The following KCNN3 variants were observed in gnomAD, a reference collection of about 807,000 sequenced individuals.
KCNN3 encodes the protein small conductance calcium-activated potassium channel protein 3.
A neutral mutation model predicts 62.9 loss-of-function variants in KCNN3; 16 were observed. That is an observed-to-expected ratio of 0.25 (90% CI 0.17 to 0.39). The LOEUF is 0.39. KCNN3 is among the 10% of genes least tolerant of loss of function. KCNN3 has a pLI of 1.00. For synonymous variants in KCNN3, 370 were observed against 389.2 expected (o/e 0.95, Z 0.58); for missense variants, 599 against 949.4 (o/e 0.63, Z 4.85).
At chr1:154,863,662 A>AT (rs2101936860) in intron 1 of KCNN3, among the ~76,000 whole-genome samples, 1 of 143,382 alleles carries the variant, frequency 7.0e-6, no homozygotes, top group South Asian at 2.1e-4. Flanking sequence ...TTTACCTTAT[A>AT]TTTTTTTAAA....
intron 3 of KCNN3, among the ~76,000 whole-genome samples, chr1:154,763,605 G>GA (rs1648122230): frequency 1.3e-5 from 2 of 152,152 alleles, no homozygotes; most frequent in Non-Finnish European, 2.9e-5. Context: ...TACGTACAGG[G>GA]TCATCATTGT....
chr1:154,768,346 T>C (rs1485172229), intron 3 of KCNN3, among the ~76,000 whole-genome samples: 1 of 152,248 alleles, frequency 6.6e-6, no homozygotes, highest in East Asian at 1.9e-4. Context: ...ATTCTAAAAA[T>C]AGTGCTTAGT....
intron 2 of KCNN3, among the ~76,000 whole-genome samples, chr1:154,804,166 C>T (rs1202967262): frequency 2.6e-5 from 4 of 152,158 alleles, no homozygotes; most frequent in Non-Finnish European, 4.4e-5. Flanking sequence ...AAAGCCACCC[C>T]GTTCCTCTCC....
intron 1 of KCNN3, among the ~76,000 whole-genome samples, chr1:154,858,255 C>T (rs1223349209): frequency 6.6e-6 from 1 of 152,192 alleles, no homozygotes; most frequent in African/African-American, 2.4e-5. Context: ...AGGGACCTTG[C>T]ATGATCCCAA....
intron 2 of KCNN3, among the ~76,000 whole-genome samples, chr1:154,783,518 G>A (rs114184321): frequency 0.032 from 4,938 of 152,208 alleles, 98 homozygotes; most frequent in African/African-American, 0.039. Flanking sequence ...GGTCCCTAGC[G>A]AGGAAGAGAC....
intron 3 of KCNN3, among the ~76,000 whole-genome samples, chr1:154,745,807 G>T (rs1438911782): frequency 6.6e-6 from 1 of 152,112 alleles, no homozygotes; most frequent in Non-Finnish European, 1.5e-5. Context: ...TCCTGATTTG[G>T]AAATGTTTAA....
chr1:154,761,773 T>C (rs953934688), intron 3 of KCNN3, among the ~76,000 whole-genome samples: 2 of 152,254 alleles, frequency 1.3e-5, no homozygotes, highest in Non-Finnish European at 2.9e-5. Context: ...ACTCCGTCTC[T>C]ACTAAAAATA....
chr1:154,838,240 C>T (rs1486487419), intron 1 of KCNN3, among the ~76,000 whole-genome samples: 1 of 152,178 alleles, frequency 6.6e-6, no homozygotes, highest in Non-Finnish European at 1.5e-5. Context: ...GAGGCCTCGA[C>T]TTGGCCAAAG....
At chr1:154,837,623 G>C (rs771578316) in intron 1 of KCNN3, among the ~76,000 whole-genome samples, 1 of 152,174 alleles carries the variant, frequency 6.6e-6, no homozygotes, top group African/African-American at 2.4e-5. Flanking sequence ...GTTTCAAGGC[G>C]TCCTGCAGAA....
Position 154,708,192 on chromosome 1 carries a change from C to T in KCNN3, c.1980G>A (p.Glu660=), listed in dbSNP as rs991708080. The T allele has an allele frequency of 1.9e-6, 3 of 1,613,740 alleles. No individual in the cohort carries two copies. The highest frequency in any genetic ancestry group is 2.7e-5 in the African/African-American group (2 of 74,910). ...TGGCGGTGAGATGCTCCAGCTTCGA[C>T]TCCAGGCTGCCAATCTGCTTCTCCA... The part of the protein sequence containing the change: ...EDLEKQIGSL[E]SKLEHLTASF... The change falls in exon 8 of 8, where the codon GAG becomes GAA. Residue 660 remains glutamate (E), a synonymous_variant. Transcript: ENST00000271915.
intron 2 of KCNN3, among the ~76,000 whole-genome samples, chr1:154,799,512 A>G (rs1649866632): frequency 6.6e-6 from 1 of 152,228 alleles, no homozygotes; most frequent in Non-Finnish European, 1.5e-5. Flanking sequence ...AAACGAGGGC[A>G]GGCTGACCCG....
intron 2 of KCNN3, among the ~76,000 whole-genome samples, chr1:154,783,246 A>C (rs1057461728): frequency 6.6e-6 from 1 of 151,798 alleles, no homozygotes; most frequent in Non-Finnish European, 1.5e-5. Flanking sequence ...AAGAAAGAAA[A>C]CTCAAGCCCA....
chr1:154,829,215 G>T (rs1002854247), intron 1 of KCNN3, among the ~76,000 whole-genome samples: 2 of 152,258 alleles, frequency 1.3e-5, no homozygotes, highest in Non-Finnish European at 2.9e-5. Flanking sequence ...AGGTCAGGGG[G>T]CCCTGGAGGA....
At chr1:154,714,554 GT>G (rs1700185714) in intron 6 of KCNN3, among the ~76,000 whole-genome samples, 1 of 96,542 alleles carries the variant, frequency 1.0e-5, no homozygotes, top group Non-Finnish European at 2.1e-5. Flanking sequence ...GTGTGTGTGT[GT>G]GGTGTGTGTG....
rs537757927 is a variant in KCNN3, at chr1:154,702,282, C to T, written c.*5694G>A. ...GGACCTGCTAAACACTAGTTTGATA[C>T]AAAATGTTAATTGAAAGTTACAATA... On this transcript the variant is annotated 3_prime_UTR_variant, in exon 8 of 8. Coordinates refer to ENST00000271915, the MANE Select transcript of KCNN3 (RefSeq NM_002249.6). 6.6e-6 allele frequency: 1 copy of T among 151,924 alleles called. No individual in the cohort carries two copies. Among genetic ancestry groups the T allele is most frequent in the South Asian group, 2.1e-4 (1 of 4,808 alleles). 9.4% of individuals were successfully genotyped at this position (151,924 alleles called of 1,614,324 possible).
chr1:154,697,854 G>A lies in KCNN3; in HGVS notation c.*10122C>T, dbSNP rs1699770972. 2 of 152,112 alleles carry A rather than the reference G, an allele frequency of 1.3e-5. No homozygotes were observed. The highest frequency in any genetic ancestry group is 1.3e-4 in the Admixed American group (2 of 15,268). The allele number at this position is 152,112 out of a possible 1,614,324, so 9.4% of individuals were successfully genotyped here. Reference sequence around the variant, plus strand: ...AGCCTGTTTTTTCCATTTAATTCCTGTAGATGAGTCATTTGCTCCTCAGTT... The same window carrying A: ...AGCCTGTTTTTTCCATTTAATTCCTATAGATGAGTCATTTGCTCCTCAGTT... On this transcript the variant is annotated 3_prime_UTR_variant, in exon 8 of 8. Transcript: ENST00000271915.
chr1:154,727,580 A>C (rs1198421881), intron 4 of KCNN3, among the ~76,000 whole-genome samples: 1 of 152,136 alleles, frequency 6.6e-6, no homozygotes, highest in Non-Finnish European at 1.5e-5. Flanking sequence ...TTCTCAGTAC[A>C]TTTGTTGGCC....
chr1:154,817,026 C>G (rs748613156), intron 2 of KCNN3, among the ~76,000 whole-genome samples: 2 of 152,184 alleles, frequency 1.3e-5, no homozygotes, highest in Non-Finnish European at 2.9e-5. Context: ...TCTGGGGTAT[C>G]CTTTCCACTC....
rs1699820594 is a variant in KCNN3, at chr1:154,700,038, T to C, written c.*7938A>G. 1.3e-5 allele frequency: 2 copies of C among 152,258 alleles called. No individual in the cohort carries two copies. Among genetic ancestry groups the C allele is most frequent in the Admixed American group, 1.3e-4 (2 of 15,286 alleles). The allele number at this position is 152,258 out of a possible 1,614,324, so 9.4% of individuals were successfully genotyped here. On this transcript the variant is annotated 3_prime_UTR_variant, in exon 8 of 8. Coordinates refer to ENST00000271915, the MANE Select transcript of KCNN3 (RefSeq NM_002249.6). ...AAGTTATATAACCTCAAGTGGAATT[T>C]AAAGATGCATTTTTTTAATCCTTAT...
Sources: allele counts gnomAD v4.1 joint callset (sites outside exome capture counted in the v4.1 genomes callset), GRCh38; gene constraint gnomAD v4.1.1; transcripts MANE v1.5; gene names NCBI Gene and HGNC (gene_info 2026-07-23, HGNC 2026-07-21).